RASEF: variants seen among roughly 807,000 people sequenced by gnomAD.
RASEF encodes the protein RAS and EF-hand domain containing, also known as ras and EF-hand domain-containing protein.
In RASEF, 68 loss-of-function variants were observed where a neutral mutation model predicts 90.1. The ratio of observed to expected loss-of-function variants is 0.75; its 90% confidence interval spans 0.62 to 0.92. The LOEUF is 0.92. RASEF is among the 40% of genes least tolerant of loss of function. The probability of loss-of-function intolerance (pLI) is 0.00; values close to 1 mark genes in which losing one functional copy is unlikely to be tolerated. For missense variants in RASEF, 949 were observed against 937.2 expected, an observed-to-expected ratio of 1.01 and a Z score of -0.16; for synonymous variants, 331 against 345.2, an observed-to-expected ratio of 0.96 and a Z score of 0.46.
chr9:83,091,548 C>T, the RASEF span, among the ~76,000 whole-genome samples: 1 of 152,080 alleles, frequency 6.6e-6, no homozygotes, highest in Admixed American at 6.5e-5. Flanking sequence ...GAGGGAGACA[C>T]TGACTGAAAA....
chr9:83,030,997 T>C (rs1373305940), intron 1 of RASEF, among the ~76,000 whole-genome samples: 1 of 152,174 alleles, frequency 6.6e-6, no homozygotes, highest in Non-Finnish European at 1.5e-5. Flanking sequence ...TGGCTAAGCC[T>C]CGTGATAGAA....
chr9:83,064,186 A>T (rs560647203), upstream of RASEF, among the ~76,000 whole-genome samples: 16 of 152,340 alleles, frequency 1.1e-4, no homozygotes, highest in South Asian at 3.3e-3. Flanking sequence ...CTAAGTGCTA[A>T]ACATCTGGGG....
the RASEF span, among the ~76,000 whole-genome samples, chr9:83,175,822 C>T: frequency 3.3e-5 from 5 of 152,240 alleles, no homozygotes; most frequent in South Asian, 2.1e-4. Context: ...CCTTGTGATC[C>T]GCCTGCCTCA....
chr9:83,204,036 A>G, the RASEF span, among the ~76,000 whole-genome samples: 1 of 152,214 alleles, frequency 6.6e-6, no homozygotes, highest in Non-Finnish European at 1.5e-5. Context: ...TGATTGCTTA[A>G]GGGGGACAAG....
chr9:83,100,911 G>T, the RASEF span, among the ~76,000 whole-genome samples: 2 of 152,100 alleles, frequency 1.3e-5, no homozygotes, highest in Admixed American at 1.3e-4. Flanking sequence ...TGTTAGTTCA[G>T]TTACACAAAT....
chr9:83,035,531 A>G (rs551525983), intron 1 of RASEF, among the ~76,000 whole-genome samples: 27 of 152,268 alleles, frequency 1.8e-4, no homozygotes, highest in African/African-American at 6.5e-4. Flanking sequence ...TTGACATTAC[A>G]GTATGTATGT....
chr9:83,154,665 A>G, the RASEF span, among the ~76,000 whole-genome samples: 1 of 152,182 alleles, frequency 6.6e-6, no homozygotes, highest in Non-Finnish European at 1.5e-5. Flanking sequence ...TAGGTTGGCC[A>G]TCTCTCTTTC....
Position 83,053,171 on chromosome 9 carries a change from G to A in RASEF, c.431+9266C>T, listed in dbSNP as rs1427171893. Among the ~76,000 whole-genome samples the A allele has an allele frequency of 3.1e-5, 2 of 65,168 alleles. 1 individual carries two copies. Among genetic ancestry groups the A allele is most frequent in the East Asian group, 1.3e-3 (2 of 1,510 alleles). The allele number at this position is 65,168 out of a possible 152,430, so 42.8% of individuals were successfully genotyped here. On this transcript the variant is annotated intron_variant, in intron 1 of 16. Coordinates refer to ENST00000376447, the MANE Select transcript of RASEF (RefSeq NM_152573.4). Reference sequence around the variant, plus strand: ...TTAAAGTCTCCCATTATTAATGTGTGGGAGTCTAAGTCTCTTTGTAGGTCA... The same window carrying A: ...TTAAAGTCTCCCATTATTAATGTGTAGGAGTCTAAGTCTCTTTGTAGGTCA...
At chr9:83,153,346 CT>C in the RASEF span, among the ~76,000 whole-genome samples, 1 of 152,144 alleles carries the variant, frequency 6.6e-6, no homozygotes, top group African/African-American at 2.4e-5. Flanking sequence ...ATTAAACACA[CT>C]TTTTCATTTT....
the RASEF span, among the ~76,000 whole-genome samples, chr9:83,133,288 T>C: frequency 2.6e-5 from 4 of 152,126 alleles, no homozygotes; most frequent in African/African-American, 4.8e-5. Context: ...ACTCCAACAC[T>C]AGTGATTAGG....
At chr9:83,014,053 T>G (rs552909379) in intron 4 of RASEF, among the ~76,000 whole-genome samples, 73 of 152,300 alleles carry the variant, frequency 4.8e-4, no homozygotes, top group South Asian at 4.1e-4. Context: ...GACATTCCTT[T>G]AAAGATTTGG....
intron 16 of RASEF, among the ~76,000 whole-genome samples, chr9:82,985,845 A>G (rs1271386898): frequency 6.6e-6 from 1 of 152,172 alleles, no homozygotes; most frequent in Non-Finnish European, 1.5e-5. Flanking sequence ...CCAGGTGACT[A>G]TTGTTTAATT....
At chr9:83,009,832 T>A in intron 5 of RASEF, 76 bp from the exon 6 acceptor site, 1 of 831,724 alleles carries the variant, frequency 1.2e-6, no homozygotes, top group South Asian at 1.4e-5. Flanking sequence ...AAGTGTCCTG[T>A]CACCCTCCCA....
At chr9:83,013,830 T>TA (rs1487587943) in intron 4 of RASEF, among the ~76,000 whole-genome samples, 3 of 152,208 alleles carry the variant, frequency 2.0e-5, no homozygotes, top group African/African-American at 7.2e-5. Flanking sequence ...GCAAAGTCAA[T>TA]AAAATGTCAG....
intron 1 of RASEF, among the ~76,000 whole-genome samples, chr9:83,053,557 ATT>A (rs1462569542): frequency 1.6e-5 from 2 of 124,624 alleles, no homozygotes; most frequent in Non-Finnish European, 3.2e-5. Context: ...TAAAGTTAAT[ATT>A]GTTATGTGTG....
At chr9:83,033,124 G>A (rs767710224) in intron 1 of RASEF, among the ~76,000 whole-genome samples, 5 of 152,068 alleles carry the variant, frequency 3.3e-5, no homozygotes, top group Admixed American at 6.6e-5. Flanking sequence ...TTTTGTAAAC[G>A]AAAGCACACA....
chr9:83,082,805 T>C, the RASEF span, among the ~76,000 whole-genome samples: 7 of 152,198 alleles, frequency 4.6e-5, no homozygotes, highest in Non-Finnish European at 1.0e-4. Context: ...AAGTTTACTT[T>C]CTCTACCAAC....
At chr9:83,062,280 G>T (rs966761976) in intron 1 of RASEF, among the ~76,000 whole-genome samples, 157 bp downstream of exon 1, 13 of 152,218 alleles carry the variant, frequency 8.5e-5, no homozygotes, top group African/African-American at 3.1e-4. Flanking sequence ...AACTCTAGCG[G>T]ATCTTGGAAA....
the RASEF span, among the ~76,000 whole-genome samples, chr9:83,147,040 GTA>G: frequency 0.2 from 28,352 of 143,458 alleles, 3,024 homozygotes; most frequent in Non-Finnish European, 0.24. Flanking sequence ...ATATATATAT[GTA>G]TATATATATA....
Sources: allele counts gnomAD v4.1 joint callset (sites outside exome capture counted in the v4.1 genomes callset), GRCh38; gene constraint gnomAD v4.1.1; transcripts MANE v1.5; gene names NCBI Gene and HGNC (gene_info 2026-07-23, HGNC 2026-07-21).